Variants in DNER observed in about 807,000 individuals in gnomAD.
The protein encoded by DNER is delta and Notch-like epidermal growth factor-related receptor.
Under a neutral mutation model 78.2 loss-of-function variants are expected in DNER, and 33 were observed. That is an observed-to-expected ratio of 0.42 (90% CI 0.32 to 0.56). The LOEUF is 0.56. Ranked by LOEUF, DNER falls within the 20% of genes least tolerant of loss-of-function variation. The pLI is 0.11. For missense variants in DNER, 918 were observed against 975.3 expected (o/e 0.94, Z 0.78); for synonymous variants, 417 against 384.8 (o/e 1.08, Z -0.98).
chr2:229,433,185 G>T (rs909627040), intron 8 of DNER, among the ~76,000 whole-genome samples: 1 of 152,104 alleles, frequency 6.6e-6, no homozygotes, highest in Non-Finnish European at 1.5e-5. Context: ...TGATCCGTCC[G>T]CCTTGGCCTC....
chr2:229,599,353 G>A (rs1463075723), intron 1 of DNER, among the ~76,000 whole-genome samples: 1 of 152,204 alleles, frequency 6.6e-6, no homozygotes, highest in Non-Finnish European at 1.5e-5. Context: ...GGAAGAGGGA[G>A]TGTCTTATTA....
At chr2:229,381,376 G>A (rs1276996033) in intron 11 of DNER, among the ~76,000 whole-genome samples, 1 of 152,142 alleles carries the variant, frequency 6.6e-6, no homozygotes, top group Non-Finnish European at 1.5e-5. Context: ...CTAGCTGCAG[G>A]AGTACTTTTT....
At chr2:229,374,801 T>C (rs191229301) in intron 11 of DNER, among the ~76,000 whole-genome samples, 1 of 152,006 alleles carries the variant, frequency 6.6e-6, no homozygotes, top group East Asian at 1.9e-4. Flanking sequence ...AAAAAAAAAA[T>C]TTAGAGAACT....
At chr2:229,410,631 G>A (rs1039480949) in intron 9 of DNER, among the ~76,000 whole-genome samples, 6 of 152,196 alleles carry the variant, frequency 3.9e-5, no homozygotes, top group African/African-American at 1.4e-4. Flanking sequence ...CTGTAATTCA[G>A]TCAAAACTAA....
chr2:229,624,919 C>T (rs1423499174), intron 1 of DNER, among the ~76,000 whole-genome samples: 1 of 152,304 alleles, frequency 6.6e-6, no homozygotes, highest in South Asian at 2.1e-4. Flanking sequence ...ATTTCTATTA[C>T]TTCTTTTTTA....
intron 1 of DNER, among the ~76,000 whole-genome samples, chr2:229,677,180 A>G (rs1238232611): frequency 1.3e-5 from 2 of 152,206 alleles, no homozygotes; most frequent in East Asian, 1.9e-4. Flanking sequence ...TTCTGCCCTC[A>G]GGGATGATGT....
At chr2:229,707,646 T>A (rs943192067) in intron 1 of DNER, among the ~76,000 whole-genome samples, 1 of 152,182 alleles carries the variant, frequency 6.6e-6, no homozygotes, top group African/African-American at 2.4e-5. Flanking sequence ...CCCATGCAAC[T>A]GGGGGAGAAG....
At chr2:229,456,354 C>T (rs577073288) in intron 7 of DNER, among the ~76,000 whole-genome samples, 7 of 151,710 alleles carry the variant, frequency 4.6e-5, no homozygotes, top group African/African-American at 1.7e-4. Flanking sequence ...TCCCACCAGG[C>T]CCCACCTCCA....
chr2:229,359,063 C>A (rs1484950870), intron 12 of DNER, among the ~76,000 whole-genome samples: 2 of 152,128 alleles, frequency 1.3e-5, no homozygotes, highest in African/African-American at 4.8e-5. Context: ...CTTCCCCGGG[C>A]CATGGACAGA....
chr2:229,670,261 A>G (rs1236227247), intron 1 of DNER, among the ~76,000 whole-genome samples: 1 of 152,230 alleles, frequency 6.6e-6, no homozygotes, highest in Admixed American at 6.5e-5. Context: ...GTTGGGTTCT[A>G]TCAGGGAGAC....
At chr2:229,671,931 C>G (rs1699216291) in intron 1 of DNER, among the ~76,000 whole-genome samples, 1 of 152,196 alleles carries the variant, frequency 6.6e-6, no homozygotes, top group Non-Finnish European at 1.5e-5. Context: ...AGCTGTTATA[C>G]TTTGCAGATC....
At chr2:229,542,209 C>A (rs1421552207) in intron 5 of DNER, among the ~76,000 whole-genome samples, 1 of 151,932 alleles carries the variant, frequency 6.6e-6, no homozygotes, top group Non-Finnish European at 1.5e-5. Context: ...AGCCTAACAA[C>A]CTTGATGAAC....
intron 1 of DNER, among the ~76,000 whole-genome samples, chr2:229,605,398 G>A (rs1364338677): frequency 1.3e-5 from 2 of 152,166 alleles, no homozygotes; most frequent in Non-Finnish European, 2.9e-5. Flanking sequence ...GAAGCAGTAT[G>A]GCAAAGGTAC....
Position 229,420,111 on chromosome 2 carries a change from TAA to T in DNER, c.1487-1883_1487-1882del, listed in dbSNP as rs544445155. On this transcript the variant is annotated intron_variant, in intron 8 of 12. Coordinates refer to ENST00000341772, the MANE Select transcript of DNER (RefSeq NM_139072.4). ...ATCTATCCCAGCCTGTTTTTGCAAA[TAA>T]AGTTTTATTGGGACACAGCCACAGT... is the stretch of plus-strand genomic sequence containing the variant. 2.7e-3 allele frequency among the ~76,000 whole-genome samples: 407 copies of T among 151,914 alleles called. 1 individual carries two copies. The highest frequency in any genetic ancestry group is 4.9e-3 in the Non-Finnish European group (334 of 67,960).
At chr2:229,628,771 T>A (rs190084551) in intron 1 of DNER, among the ~76,000 whole-genome samples, 5 of 152,236 alleles carry the variant, frequency 3.3e-5, no homozygotes, top group African/African-American at 1.2e-4. Context: ...GCTCGTAATC[T>A]TACCCTCTGC....
At chr2:229,441,628 C>G (rs1008725559) in intron 8 of DNER, among the ~76,000 whole-genome samples, 1 of 152,174 alleles carries the variant, frequency 6.6e-6, no homozygotes, top group South Asian at 2.1e-4. Flanking sequence ...GAAGCTGTCA[C>G]TCTACATATG....
intron 8 of DNER, among the ~76,000 whole-genome samples, chr2:229,421,198 T>C (rs1693756139): frequency 2.0e-5 from 3 of 152,158 alleles, no homozygotes. Flanking sequence ...TGGTTCCACC[T>C]ATATGATGTA....
At chr2:229,626,651 T>C (rs1417797326) in intron 1 of DNER, among the ~76,000 whole-genome samples, 1 of 152,208 alleles carries the variant, frequency 6.6e-6, no homozygotes, top group East Asian at 1.9e-4. Context: ...GCTTTTCCCA[T>C]ATAAAGTAAA....
intron 1 of DNER, among the ~76,000 whole-genome samples, chr2:229,639,280 A>C (rs1459220105): frequency 1.3e-5 from 2 of 152,196 alleles, no homozygotes; most frequent in Non-Finnish European, 2.9e-5. Flanking sequence ...TTTGAGATGG[A>C]GTCTCACTCT....
Sources: allele counts gnomAD v4.1 joint callset (sites outside exome capture counted in the v4.1 genomes callset), GRCh38; gene constraint gnomAD v4.1.1; transcripts MANE v1.5; gene names NCBI Gene and HGNC (gene_info 2026-07-23, HGNC 2026-07-21).